The following LRRC7 variants were observed in gnomAD, a reference collection of about 807,000 sequenced individuals.
LRRC7 encodes the protein leucine-rich repeat-containing protein 7.
Under a neutral mutation model 175.7 loss-of-function variants are expected in LRRC7, and 23 were observed. The observed-to-expected ratio is 0.13, with a 90% CI of 0.09 to 0.19. The LOEUF (loss-of-function observed/expected upper bound fraction) is 0.19. Among genes scored for constraint, LRRC7 ranks in the 10% least tolerant of loss-of-function variants. The pLI is 1.00. For synonymous variants in LRRC7, 685 were observed against 680.9 expected, an observed-to-expected ratio of 1.01 and a Z score of -0.09; for missense variants, 1,354 against 1,904.7, an observed-to-expected ratio of 0.71 and a Z score of 5.38.
At chr1:69,663,923 T>C (rs985442147) in intron 1 of LRRC7, among the ~76,000 whole-genome samples, 1 of 151,244 alleles carries the variant, frequency 6.6e-6, no homozygotes. Context: ...GGGTTTCACC[T>C]TGTTAGCCAG....
rs1666686429 is a variant in LRRC7, at chr1:70,132,068, A to G, written c.*10181A>G. 1 of 152,262 alleles carries G rather than the reference A, an allele frequency of 6.6e-6. No individual in the cohort carries two copies. Among genetic ancestry groups the G allele is most frequent in the Non-Finnish European group, 1.5e-5 (1 of 68,068 alleles). 9.4% of individuals were successfully genotyped at this position (152,262 alleles called of 1,614,324 possible). A position where few individuals can be genotyped will look rare whatever the true frequency, so the allele number is the denominator to read the frequency against. ...AAAAGAAGGGCAATAGAGGACTGAT[A>G]CAGAGAATCAGAGAGGAACTGGATA... On this transcript the variant is annotated 3_prime_UTR_variant, in exon 27 of 27. Transcript: ENST00000651989.
At position 70,011,906 on chromosome 1, in the gene LRRC7, C is replaced by A. The variant is rs1202270440; in HGVS notation, c.1114C>A (p.Leu372Ile). Residue 372 changes from leucine (L) to isoleucine (I), a missense_variant, in exon 12 of 27, where the codon CTT becomes ATT. Coordinates refer to ENST00000651989, the MANE Select transcript of LRRC7 (RefSeq NM_001370785.2). Reference sequence around the variant, plus strand: ...GACATTAGCAGTTGATGAGAATTTCCTTCCAGAATTACCCAGAGAAGTGAG... The same window carrying A: ...GACATTAGCAGTTGATGAGAATTTCATTCCAGAATTACCCAGAGAAGTGAG... ...LRTLAVDENF[L>I]PELPREIGSC... 6.2e-7 allele frequency: 1 copy of A among 1,606,288 alleles called. No homozygotes were observed. The highest frequency in any genetic ancestry group is 1.3e-5 in the African/African-American group (1 of 74,808).
intron 7 of LRRC7, among the ~76,000 whole-genome samples, chr1:69,913,947 C>T (rs985207593): frequency 6.6e-6 from 1 of 152,114 alleles, no homozygotes; most frequent in African/African-American, 2.4e-5. Context: ...CAAGAGAAGA[C>T]CATGATTATG....
chr1:69,811,440 A>G (rs1677851082), intron 4 of LRRC7, among the ~76,000 whole-genome samples: 1 of 152,200 alleles, frequency 6.6e-6, no homozygotes, highest in Admixed American at 6.6e-5. Context: ...AAAGGATTAT[A>G]AATCATTCTA....
At chr1:69,811,784 A>G (rs1442254440) in intron 4 of LRRC7, among the ~76,000 whole-genome samples, 2 of 151,986 alleles carry the variant, frequency 1.3e-5, no homozygotes, top group Non-Finnish European at 2.9e-5. Context: ...TTGGGAGGCT[A>G]GGGGAGGGAT....
At chr1:69,845,464 A>C (rs1218627923) in intron 7 of LRRC7, among the ~76,000 whole-genome samples, 1 of 152,084 alleles carries the variant, frequency 6.6e-6, no homozygotes, top group Non-Finnish European at 1.5e-5. Context: ...TTCTTTTTTA[A>C]TAAGATTACT....
intron 3 of LRRC7, among the ~76,000 whole-genome samples, chr1:69,774,540 C>G (rs1672602197): frequency 6.6e-6 from 1 of 152,028 alleles, no homozygotes; most frequent in East Asian, 1.9e-4. Context: ...GCTACTCTTG[C>G]CACAGAAACA....
At chr1:69,620,500 A>G (rs1040025806) in intron 1 of LRRC7, among the ~76,000 whole-genome samples, 2 of 152,190 alleles carry the variant, frequency 1.3e-5, no homozygotes. Flanking sequence ...GTTTGGTCCC[A>G]AAATGACACA....
In LRRC7 at chr1:69,590,840, T is replaced by G. The variant is rs150952050; in HGVS notation, c.2+22199T>G. On this transcript the variant is annotated intron_variant, in intron 1 of 26. Coordinates refer to ENST00000651989, the MANE Select transcript of LRRC7 (RefSeq NM_001370785.2). The stretch of plus-strand genomic sequence containing the variant: ...TAAAAAATTCATACAGGAAGTAATC[T>G]TTGTAGAAATGTAGCCTCTCTGAGT... Among the ~76,000 whole-genome samples, 580 of 152,212 alleles carry G rather than the reference T, an allele frequency of 3.8e-3. 5 individuals are homozygous for G. Among genetic ancestry groups the G allele is most frequent in the African/African-American group, 0.013 (552 of 41,550 alleles).
Position 69,619,351 on chromosome 1 carries a change from T to C in LRRC7, c.2+50710T>C, listed in dbSNP as rs142040547. On this transcript the variant is annotated intron_variant, in intron 1 of 26. Coordinates refer to ENST00000651989, the MANE Select transcript of LRRC7 (RefSeq NM_001370785.2). ...TTAAAGCAGTGGCATCAAACTGTAA[T>C]ACTAGTACTTCTGTTCTTCACTGCA... 7.3e-3 allele frequency among the ~76,000 whole-genome samples: 1,113 copies of C among 152,304 alleles called. 11 individuals are homozygous for C. The highest frequency in any genetic ancestry group is 0.025 in the African/African-American group (1,043 of 41,578).
In LRRC7 at chr1:69,958,298, G is replaced by A. The variant is rs533758746; in HGVS notation, c.712-22081G>A. Among the ~76,000 whole-genome samples the A allele has an allele frequency of 3.4e-4, 52 of 152,056 alleles. 1 individual carries two copies. Among genetic ancestry groups the A allele is most frequent in the Middle Eastern group, 3.4e-3 (1 of 294 alleles). ...AGTACTTAGTCTGACTTATGTAGCT[G>A]TATTTCAGGGATCCTAGCTCCAAAA... is the stretch of plus-strand genomic sequence containing the variant. On this transcript the variant is annotated intron_variant, in intron 8 of 26. Coordinates refer to ENST00000651989, the MANE Select transcript of LRRC7 (RefSeq NM_001370785.2).
chr1:69,948,374 G>A (rs1481606215), intron 8 of LRRC7, among the ~76,000 whole-genome samples: 1 of 152,042 alleles, frequency 6.6e-6, no homozygotes, highest in Non-Finnish European at 1.5e-5. Flanking sequence ...ACTCTCTATA[G>A]CATTTCTTGT....
chr1:70,064,469 GC>G (rs1661818440), intron 23 of LRRC7, among the ~76,000 whole-genome samples: 1 of 151,756 alleles, frequency 6.6e-6, no homozygotes, highest in Non-Finnish European at 1.5e-5. Context: ...TGGGTATACA[GC>G]CTACTCTACC....
intron 2 of LRRC7, among the ~76,000 whole-genome samples, chr1:69,710,057 C>T (rs944812568): frequency 1.3e-5 from 2 of 151,862 alleles, no homozygotes; most frequent in African/African-American, 4.8e-5. Context: ...GCAGGTGGAT[C>T]ATCAGGTCAG....
intron 24 of LRRC7, among the ~76,000 whole-genome samples, chr1:70,085,500 C>T (rs1571282156): frequency 1.3e-5 from 2 of 152,094 alleles, no homozygotes; most frequent in South Asian, 2.1e-4. Flanking sequence ...TGTTTCTTGA[C>T]GTATGCCCTA....
intron 1 of LRRC7, among the ~76,000 whole-genome samples, chr1:69,632,528 T>C (rs1048510954): frequency 2.6e-5 from 4 of 152,204 alleles, no homozygotes; most frequent in Admixed American, 2.6e-4. Flanking sequence ...AGAAGCCATT[T>C]TACATTAATT....
intron 4 of LRRC7, among the ~76,000 whole-genome samples, chr1:69,816,805 C>A (rs993269901): frequency 6.6e-6 from 1 of 152,018 alleles, no homozygotes. Flanking sequence ...TCCTCATTAC[C>A]CGCACTCCCC....
intron 7 of LRRC7, among the ~76,000 whole-genome samples, chr1:69,838,767 T>C (rs1241925293): frequency 6.6e-6 from 1 of 151,942 alleles, no homozygotes; most frequent in African/African-American, 2.4e-5. Flanking sequence ...TTCTTGCAAA[T>C]TGTTCATTTT....
chr1:69,693,740 A>C (rs1272455625), intron 2 of LRRC7, among the ~76,000 whole-genome samples: 1 of 152,114 alleles, frequency 6.6e-6, no homozygotes, highest in African/African-American at 2.4e-5. Flanking sequence ...TAGCATCACA[A>C]GTGTCTTTTA....
Sources: gnomAD v4.1 joint callset for allele counts (sites outside exome capture counted in the v4.1 genomes callset) on GRCh38, gnomAD v4.1.1 for gene constraint, MANE v1.5 for transcripts, NCBI Gene and HGNC (gene_info 2026-07-23, HGNC 2026-07-21) for gene names.